FHOD3: variants seen among roughly 807,000 people sequenced by gnomAD.
FHOD3 encodes the protein formin homology 2 domain containing 3.
FHOD3 carries 90 observed loss-of-function variants against 173.0 expected under a neutral mutation model. That is an observed-to-expected ratio of 0.52 (90% confidence interval 0.44 to 0.62). The LOEUF (loss-of-function observed/expected upper bound fraction) is 0.62, where lower values mean the gene tolerates loss of function less well. Among genes scored for constraint, FHOD3 ranks in the 20% least tolerant of loss-of-function variants. The pLI is 0.00. For synonymous variants in FHOD3, 828 were observed against 823.0 expected (o/e 1.01, Z -0.10); for missense variants, 1,945 against 2,034.7 (o/e 0.96, Z 0.85).
intron 9 of FHOD3, among the ~76,000 whole-genome samples, chr18:36,613,520 A>G (rs887680543): frequency 2.0e-5 from 3 of 152,148 alleles, no homozygotes; most frequent in Admixed American, 6.5e-5. Context: ...CTTGGGTGGT[A>G]TGACCTCAAC....
intron 1 of FHOD3, among the ~76,000 whole-genome samples, chr18:36,313,233 G>GGGGA (rs2092297377): frequency 6.6e-6 from 1 of 152,154 alleles, no homozygotes; most frequent in Non-Finnish European, 1.5e-5. Flanking sequence ...CAAGGGCAAG[G>GGGGA]GGGAATTAGA....
chr18:36,477,479 TCACC>T (rs1299057814), intron 3 of FHOD3, among the ~76,000 whole-genome samples: 2 of 145,580 alleles, frequency 1.4e-5, no homozygotes, highest in African/African-American at 5.2e-5. Flanking sequence ...ATAAATCCAC[TCACC>T]CACCCATCCA....
chr18:36,623,043 C>T (rs982314000), intron 9 of FHOD3, among the ~76,000 whole-genome samples: 44 of 152,196 alleles, frequency 2.9e-4, no homozygotes, highest in Non-Finnish European at 8.8e-5. Context: ...TTTTAAGTAG[C>T]TTGATGTTTT....
At chr18:36,415,778 A>ATTT (rs1448497773) in intron 3 of FHOD3, among the ~76,000 whole-genome samples, 1 of 152,178 alleles carries the variant, frequency 6.6e-6, no homozygotes, top group Non-Finnish European at 1.5e-5. Context: ...TCAGGCAGAC[A>ATTT]TTTTCATTCC....
In FHOD3 at chr18:36,755,370, G is replaced by C. The variant is rs1398652081; in HGVS notation, c.4425+59G>C. Reference sequence around the variant, plus strand: ...TCGTTTTCAAAGTAAGATCAGTCAGGAATCCTCCCCACAGTTAAAAGCTGT... The same window carrying C: ...TCGTTTTCAAAGTAAGATCAGTCAGCAATCCTCCCCACAGTTAAAAGCTGT... On this transcript the variant is annotated intron_variant, in intron 25 of 28. Coordinates refer to ENST00000590592, the MANE Select transcript of FHOD3 (RefSeq NM_001281740.3). 5.2e-6 allele frequency: 5 copies of C among 962,508 alleles called. No homozygotes were observed. The East Asian group carries it at 1.2e-4, about 24-fold the overall frequency. The allele number at this position is 962,508 out of a possible 1,614,324, so 59.6% of individuals were successfully genotyped here. A position where few individuals can be genotyped will look rare whatever the true frequency, so the allele number is the denominator to read the frequency against.
intron 9 of FHOD3, among the ~76,000 whole-genome samples, chr18:36,622,602 C>T (rs2148759611): frequency 6.6e-6 from 1 of 152,322 alleles, no homozygotes; most frequent in South Asian, 2.1e-4. Context: ...ATGAGTCACT[C>T]CATTACTTGG....
At chr18:36,319,322 G>T (rs1232577976) in intron 1 of FHOD3, among the ~76,000 whole-genome samples, 1 of 152,094 alleles carries the variant, frequency 6.6e-6, no homozygotes, top group Non-Finnish European at 1.5e-5. Flanking sequence ...TAAATAAAGG[G>T]CAGGGATTGC....
chr18:36,739,225 C>A (rs1184675178), intron 20 of FHOD3, among the ~76,000 whole-genome samples: 1 of 152,204 alleles, frequency 6.6e-6, no homozygotes, highest in Non-Finnish European at 1.5e-5. Flanking sequence ...AACAACCCAC[C>A]CCTCAATTTG....
chr18:36,695,298 A>G (rs540930447), intron 17 of FHOD3, among the ~76,000 whole-genome samples: 1 of 152,076 alleles, frequency 6.6e-6, no homozygotes, highest in South Asian at 2.1e-4. Context: ...CAGTGAGCCA[A>G]GATTGTGCCA....
chr18:36,417,267 T>A (rs2049708369), intron 3 of FHOD3, among the ~76,000 whole-genome samples: 1 of 152,176 alleles, frequency 6.6e-6, no homozygotes, highest in African/African-American at 2.4e-5. Context: ...CCCCTCTATG[T>A]GTCCATGTGT....
intron 10 of FHOD3, among the ~76,000 whole-genome samples, chr18:36,630,547 T>C (rs545405717): frequency 2.6e-5 from 4 of 152,214 alleles, no homozygotes; most frequent in African/African-American, 7.2e-5. Flanking sequence ...CTCCAAAAAA[T>C]TGACATAATG....
intron 25 of FHOD3, among the ~76,000 whole-genome samples, chr18:36,758,108 G>A (rs561045218): frequency 3.4e-4 from 52 of 152,294 alleles, no homozygotes; most frequent in Admixed American, 2.7e-3. Flanking sequence ...GCCATCCCAG[G>A]TTATATAAAT....
In FHOD3 at chr18:36,658,089, G is replaced by A. The variant is rs2149183899; in HGVS notation, c.1736G>A (p.Gly579Asp). The A allele has an allele frequency of 6.2e-7, 1 of 1,606,456 alleles. No homozygotes were observed. The highest frequency in any genetic ancestry group is 1.1e-5 in the South Asian group (1 of 90,670). Reference sequence around the variant, plus strand: ...GCACTTCTTAGATACAGCAATTTTGGCAATAACTCTTATCACTCCTCAAGA... The same window carrying A: ...GCACTTCTTAGATACAGCAATTTTGACAATAACTCTTATCACTCCTCAAGA... ...SFSSNRYSNF[G>D]NNSYHSSRPS... Residue 579 changes from glycine to aspartate, a missense_variant, in exon 14 of 29, where the codon GGC becomes GAC. This residue lies in a region of FHOD3 where 1,099 missense variants were observed against 1,051.2 expected (regional missense o/e 1.05). Transcript: ENST00000590592.
chr18:36,710,358 G>A (rs559325337), intron 18 of FHOD3: 6 of 152,264 alleles, frequency 3.9e-5, no homozygotes, highest in South Asian at 4.2e-4. Context: ...CACTCGAGTC[G>A]ATGTCTTAGG....
intron 18 of FHOD3, chr18:36,709,685 G>A (rs1392244883): frequency 2.6e-6 from 1 of 379,188 alleles, no homozygotes; most frequent in Non-Finnish European, 4.8e-6. Context: ...TGAGGAATAA[G>A]CCCCAGAAGA....
At chr18:36,330,584 G>GA (rs1488101014) in intron 1 of FHOD3, among the ~76,000 whole-genome samples, 17,775 of 152,146 alleles carry the variant, frequency 0.12, 3,462 homozygotes, top group African/African-American at 0.4. Context: ...ACTGTGGCGT[G>GA]CAGGGCTGAC....
intron 9 of FHOD3, among the ~76,000 whole-genome samples, chr18:36,618,867 G>A (rs1276475737): frequency 6.6e-6 from 1 of 152,108 alleles, no homozygotes. Flanking sequence ...GTGTCCAGAT[G>A]TCTCTGGGGT....
chr18:36,359,153 T>C (rs975360388), intron 2 of FHOD3, among the ~76,000 whole-genome samples: 1 of 152,178 alleles, frequency 6.6e-6, no homozygotes, highest in Non-Finnish European at 1.5e-5. Context: ...TATAGCAAAA[T>C]GTCTGCTAAT....
intron 23 of FHOD3, 65 bp from the exon 24 acceptor site, chr18:36,746,880 G>C: frequency 1.5e-6 from 2 of 1,294,270 alleles, no homozygotes; most frequent in Non-Finnish European, 2.1e-6. Context: ...AGGCAGTTTT[G>C]TCTCTCAGTT....
Sources: gnomAD v4.1 joint callset for allele counts (sites outside exome capture counted in the v4.1 genomes callset) on GRCh38, gnomAD v4.1.1 for gene constraint, gnomAD v4.1.1 regional missense constraint, MANE v1.5 for transcripts, NCBI Gene and HGNC (gene_info 2026-07-23, HGNC 2026-07-21) for gene names.